The following MLKL variants were observed in gnomAD, a reference collection of about 807,000 sequenced individuals.
MLKL encodes mixed lineage kinase domain-like protein.
MLKL carries 55 observed loss-of-function variants against 56.5 expected under a neutral mutation model. The ratio of observed to expected loss-of-function variants is 0.97; its 90% CI spans 0.78 to 1.22. MLKL has a LOEUF of 1.22. Ranked by LOEUF, MLKL falls within the 50% of genes most tolerant of loss-of-function variation. MLKL has a pLI of 0.00. For synonymous variants in MLKL, 251 were observed against 208.3 expected, an observed-to-expected ratio of 1.20 and a Z score of -1.76; for missense variants, 694 against 573.9, an observed-to-expected ratio of 1.21 and a Z score of -2.14.
chr16:74,690,401 G>C (rs35375514), intron 4 of MLKL, among the ~76,000 whole-genome samples: 22,169 of 152,074 alleles, frequency 0.15, 2,562 homozygotes, highest in East Asian at 0.43. Flanking sequence ...GCTATATCCT[G>C]AAGGATTCTT....
intron 4 of MLKL, among the ~76,000 whole-genome samples, chr16:74,686,177 G>A (rs1425733712): frequency 4.6e-5 from 7 of 152,110 alleles, no homozygotes; most frequent in Non-Finnish European, 1.0e-4. Context: ...GGCCAGGCTG[G>A]TGTCAAACTC....
rs1292246704 is a variant in MLKL at position 74,685,497 on chromosome 16, A to T, written c.809T>A (p.Ile270Asn). 1 of 1,613,730 alleles carries T rather than the reference A, an allele frequency of 6.2e-7. No individual in the cohort carries two copies. The highest frequency in any genetic ancestry group is 8.5e-7 in the Non-Finnish European group (1 of 1,179,764). Residue 270 changes from isoleucine (I) to asparagine (N), a missense_variant, in exon 5 of 11, where the codon ATT becomes AAT. Coordinates refer to ENST00000308807, the MANE Select transcript of MLKL (RefSeq NM_152649.4). ...GAAGCATTCCTTACCTGTTTCATCA[A>T]TGCAAATCCCAAATATACGCAGGAT... ...PNILRIFGIC[I>N]DETVTPPQFS...
intron 4 of MLKL, among the ~76,000 whole-genome samples, chr16:74,689,610 A>T (rs1368908164): frequency 6.6e-6 from 1 of 152,204 alleles, no homozygotes; most frequent in Non-Finnish European, 1.5e-5. Context: ...CAAGAGGAGG[A>T]AGTTCTTTAC....
chr16:74,698,461 T>C (rs1334820496), intron 1 of MLKL, among the ~76,000 whole-genome samples: 1 of 152,092 alleles, frequency 6.6e-6, no homozygotes, highest in Non-Finnish European at 1.5e-5. Context: ...GTTACAGTGA[T>C]TGGGCAAGGG....
intron 4 of MLKL, 144 bp from the exon 5 acceptor site, chr16:74,685,727 G>C: frequency 1.5e-6 from 1 of 657,608 alleles, no homozygotes; most frequent in South Asian, 1.8e-5. Context: ...CTCAGCTACT[G>C]ATAACAACAT....
At chr16:74,689,454 A>G (rs1343656524) in intron 4 of MLKL, among the ~76,000 whole-genome samples, 1 of 152,190 alleles carries the variant, frequency 6.6e-6, no homozygotes, top group Non-Finnish European at 1.5e-5. Flanking sequence ...TACATTTTAA[A>G]TAGGTAAATC....
intron 2 of MLKL, among the ~76,000 whole-genome samples, chr16:74,693,477 AAAAGAAAG>A (rs373622678): frequency 6.4e-5 from 8 of 124,616 alleles, no homozygotes; most frequent in South Asian, 2.3e-4. Flanking sequence ...AAGAAAAGAA[AAAAGAAAG>A]AAAGAAAGAA....
intron 6 of MLKL, among the ~76,000 whole-genome samples, chr16:74,679,870 G>A (rs926166354): frequency 6.6e-6 from 1 of 152,080 alleles, no homozygotes; most frequent in African/African-American, 2.4e-5. Context: ...GTGCTCCCAG[G>A]AGAAATGGTT....
In MLKL at chr16:74,675,547, G is replaced by A. The variant is rs570139891; in HGVS notation, c.1190+66C>T. On this transcript the variant is annotated intron_variant, in intron 8 of 10. Transcript: ENST00000308807. Reference sequence around the variant, plus strand: ...AGTTGAGTTTAGGTGGTCCTTGGAGGAGTTTGATTTGGGTTTTCCTATTAT... The same window carrying A: ...AGTTGAGTTTAGGTGGTCCTTGGAGAAGTTTGATTTGGGTTTTCCTATTAT... 1.5e-5 allele frequency: 23 copies of A among 1,578,416 alleles called. No individual in the cohort carries two copies. In the African/African-American group the frequency reaches 1.5e-4, roughly 10 times the overall value.
At chr16:74,698,465 G>C (rs1961184328) in intron 1 of MLKL, among the ~76,000 whole-genome samples, 1 of 152,140 alleles carries the variant, frequency 6.6e-6, no homozygotes, top group Non-Finnish European at 1.5e-5. Flanking sequence ...CAGTGATTGG[G>C]CAAGGGAGGT....
intron 2 of MLKL, among the ~76,000 whole-genome samples, chr16:74,693,523 G>A (rs1165416729): frequency 6.6e-6 from 1 of 150,424 alleles, no homozygotes. Context: ...TTCTGGTGAT[G>A]GATGGTCGCG....
intron 4 of MLKL, among the ~76,000 whole-genome samples, chr16:74,687,633 G>A (rs1183697050): frequency 6.6e-6 from 1 of 151,948 alleles, no homozygotes; most frequent in Non-Finnish European, 1.5e-5. Flanking sequence ...AATAGAATTG[G>A]GGGTCCGGAA....
intron 2 of MLKL, among the ~76,000 whole-genome samples, chr16:74,694,780 A>AAAACT (rs1455605353): frequency 6.6e-6 from 1 of 152,064 alleles, no homozygotes; most frequent in Non-Finnish European, 1.5e-5. Flanking sequence ...AAAACAAAAC[A>AAAACT]AAACTCCTCT....
chr16:74,688,671 C>G (rs1422697773), intron 4 of MLKL, among the ~76,000 whole-genome samples: 1 of 152,092 alleles, frequency 6.6e-6, no homozygotes, highest in Non-Finnish European at 1.5e-5. Flanking sequence ...TGATATCACA[C>G]CACTACACTC....
At chr16:74,695,902 C>G (rs1961009625) in intron 1 of MLKL, 143 bp from the exon 2 acceptor site, 3 of 751,720 alleles carry the variant, frequency 4.0e-6, no homozygotes, top group Admixed American at 5.9e-5. Flanking sequence ...AGATGGTTTG[C>G]TACCCACCAA....
At chr16:74,686,764 C>G (rs373730781) in intron 4 of MLKL, among the ~76,000 whole-genome samples, 2 of 152,158 alleles carry the variant, frequency 1.3e-5, no homozygotes, top group South Asian at 2.1e-4. Context: ...GAGGCTTGTC[C>G]AAGGTCTGTC....
At chr16:74,681,494 A>T (rs1959964370) in intron 6 of MLKL, among the ~76,000 whole-genome samples, 1 of 152,122 alleles carries the variant, frequency 6.6e-6, no homozygotes, top group Non-Finnish European at 1.5e-5. Context: ...TAGAGTTGCC[A>T]AATAAAACAC....
rs1349463559 is a variant in MLKL at position 74,675,623 on chromosome 16, C to T, written c.1180G>A (p.Glu394Lys). ...DVFYQYDVKSEIYSFGIVLWE... is the reference protein window; with the variant it reads ...DVFYQYDVKSKIYSFGIVLWE... ...AGAACGTGAGTGTACCTGTATATTT[C>T]AGACTTTACATCATATTGATAAAAT... The change falls in exon 8 of 11, where the codon GAA becomes AAA. Residue 394 changes from glutamate to lysine, a missense_variant. Transcript: ENST00000308807. The T allele has an allele frequency of 1.1e-5, 18 of 1,613,192 alleles. No homozygotes were observed. Among genetic ancestry groups the T allele is most frequent in the Middle Eastern group, 1.6e-4 (1 of 6,082 alleles).
intron 4 of MLKL, among the ~76,000 whole-genome samples, chr16:74,686,553 A>C (rs1297870160): frequency 6.6e-6 from 1 of 152,240 alleles, no homozygotes; most frequent in East Asian, 1.9e-4. Flanking sequence ...ATTGCACTCC[A>C]GCCTGGGTGA....
Sources: gnomAD v4.1 joint callset for allele counts (sites outside exome capture counted in the v4.1 genomes callset) on GRCh38, gnomAD v4.1.1 for gene constraint, MANE v1.5 for transcripts, NCBI Gene and HGNC (gene_info 2026-07-23, HGNC 2026-07-21) for gene names.